Variants in EFCAB6 observed in about 807,000 individuals in gnomAD.
The protein encoded by EFCAB6 is EF-hand calcium binding domain 6, also known as EF-hand calcium-binding domain-containing protein 6.
Under a neutral mutation model 169.8 loss-of-function variants are expected in EFCAB6, and 156 were observed. The ratio of observed to expected loss-of-function variants is 0.92; its 90% CI spans 0.81 to 1.05. EFCAB6 has a LOEUF of 1.05. EFCAB6 is among the 50% of genes least tolerant of loss of function. EFCAB6 has a pLI of 0.00. For synonymous variants in EFCAB6, 698 were observed against 676.4 expected (o/e 1.03, Z -0.50); for missense variants, 1,800 against 1,829.1 (o/e 0.98, Z 0.29).
chr22:43,726,661 A>G (rs2059750472), intron 8 of EFCAB6, among the ~76,000 whole-genome samples: 1 of 152,238 alleles, frequency 6.6e-6, no homozygotes, highest in Non-Finnish European at 1.5e-5. Context: ...CCAGAAGGCA[A>G]GGAAGGAAAA....
chr22:43,619,498 T>G (rs1190383594), intron 20 of EFCAB6, among the ~76,000 whole-genome samples: 1 of 152,144 alleles, frequency 6.6e-6, no homozygotes, highest in Non-Finnish European at 1.5e-5. Context: ...CAAGATTAAC[T>G]AGATGTTGAA....
At chr22:43,596,411 G>A (rs1013641177) in intron 23 of EFCAB6, among the ~76,000 whole-genome samples, 4 of 151,848 alleles carry the variant, frequency 2.6e-5, no homozygotes, top group African/African-American at 4.8e-5. Context: ...TTTAGGATAC[G>A]AAATCAATAC....
intron 26 of EFCAB6, among the ~76,000 whole-genome samples, 177 bp downstream of exon 26, chr22:43,576,120 G>A (rs2050240417): frequency 6.6e-6 from 1 of 152,130 alleles, no homozygotes; most frequent in Non-Finnish European, 1.5e-5. Flanking sequence ...AGTAAAGGAT[G>A]CATATTCACC....
chr22:43,728,515 T>C (rs1375474180), intron 8 of EFCAB6, among the ~76,000 whole-genome samples: 1 of 152,224 alleles, frequency 6.6e-6, no homozygotes, highest in African/African-American at 2.4e-5. Flanking sequence ...TGAACTAACT[T>C]ACACTCCCAC....
chr22:43,580,691 A>C (rs1351804438), intron 24 of EFCAB6, 32 bp from the exon 25 acceptor site: 1 of 1,607,230 alleles, frequency 6.2e-7, no homozygotes, highest in Non-Finnish European at 8.5e-7. Context: ...GAACATATTC[A>C]TTTTAAAAAG....
At chr22:43,586,095 C>T (rs374414165) in intron 24 of EFCAB6, among the ~76,000 whole-genome samples, 4 of 151,946 alleles carry the variant, frequency 2.6e-5, no homozygotes, top group East Asian at 1.9e-4. Context: ...GAATAAATAA[C>T]GGTAAAATAA....
intron 3 of EFCAB6, among the ~76,000 whole-genome samples, chr22:43,775,107 C>T (rs543706130): frequency 3.3e-5 from 5 of 151,920 alleles, no homozygotes; most frequent in East Asian, 2.0e-4. Flanking sequence ...AAAGGTCAAG[C>T]GGGGAGGTCT....
chr22:43,781,035 G>A (rs896420952), intron 3 of EFCAB6, among the ~76,000 whole-genome samples: 2 of 152,130 alleles, frequency 1.3e-5, no homozygotes, highest in Non-Finnish European at 2.9e-5. Context: ...CTTGTCTAGG[G>A]CGGGCCTTCT....
chr22:43,626,844 T>C (rs2054562716), intron 19 of EFCAB6, among the ~76,000 whole-genome samples, 165 bp from the exon 20 acceptor site: 1 of 152,206 alleles, frequency 6.6e-6, no homozygotes, highest in East Asian at 1.9e-4. Flanking sequence ...ATCCTTGCCA[T>C]GCTTTGCTTT....
At chr22:43,769,998 G>A (rs1024020033) in intron 4 of EFCAB6, among the ~76,000 whole-genome samples, 1 of 151,978 alleles carries the variant, frequency 6.6e-6, no homozygotes, top group African/African-American at 2.4e-5. Flanking sequence ...GGGATTACAG[G>A]CATGTGCCAC....
intron 9 of EFCAB6, among the ~76,000 whole-genome samples, chr22:43,714,753 G>GA (rs2059274897): frequency 1.3e-5 from 2 of 152,012 alleles, no homozygotes; most frequent in African/African-American, 2.4e-5. Context: ...TTTCAAATAT[G>GA]AAAAAAACAA....
intron 31 of EFCAB6, 116 bp from the exon 32 acceptor site, chr22:43,529,091 T>C (rs1304426901): frequency 7.3e-6 from 9 of 1,228,138 alleles, no homozygotes; most frequent in South Asian, 1.8e-5. Flanking sequence ...CCACTTCCGA[T>C]GTCAGCCTCC....
chr22:43,739,576 G>A (rs759326344), intron 6 of EFCAB6, among the ~76,000 whole-genome samples: 2 of 152,040 alleles, frequency 1.3e-5, no homozygotes, highest in African/African-American at 4.8e-5. Flanking sequence ...ATATCCAGCT[G>A]CCCATTTGAT....
chr22:43,800,061 A>G, intron 2 of EFCAB6, among the ~76,000 whole-genome samples: 1 of 152,244 alleles, frequency 6.6e-6, no homozygotes, highest in East Asian at 1.9e-4. Context: ...TGGGACTACC[A>G]TCTCCAGCTC....
chr22:43,532,455 A>C (rs1277726866), intron 30 of EFCAB6, among the ~76,000 whole-genome samples: 2 of 152,226 alleles, frequency 1.3e-5, no homozygotes, highest in African/African-American at 2.4e-5. Flanking sequence ...GGAAGGATGG[A>C]ATTGATGGCG....
intron 11 of EFCAB6, among the ~76,000 whole-genome samples, chr22:43,684,599 A>T (rs713913): frequency 3.3e-5 from 5 of 152,176 alleles, no homozygotes; most frequent in Admixed American, 1.3e-4. Flanking sequence ...GAACCATTCT[A>T]AGATTTGTTT....
At chr22:43,789,884 A>ACACACACACACAC (rs2062219547) in intron 2 of EFCAB6, among the ~76,000 whole-genome samples, 5 of 107,870 alleles carry the variant, frequency 4.6e-5, no homozygotes, top group African/African-American at 1.8e-4. Flanking sequence ...CACACACACA[A>ACACACACACACAC]AAGTCTTCCT....
chr22:43,606,503 T>C (rs760718780), intron 22 of EFCAB6, among the ~76,000 whole-genome samples: 76 of 152,204 alleles, frequency 5.0e-4, no homozygotes, highest in Non-Finnish European at 9.6e-4. Flanking sequence ...ATATGACTCC[T>C]TACCCAGGAC....
intron 21 of EFCAB6, among the ~76,000 whole-genome samples, chr22:43,610,287 C>T (rs2053214029): frequency 6.6e-6 from 1 of 152,226 alleles, no homozygotes; most frequent in African/African-American, 2.4e-5. Flanking sequence ...GCAGGATCCA[C>T]AGAGCAGTGT....
Sources: allele counts gnomAD v4.1 joint callset (sites outside exome capture counted in the v4.1 genomes callset), GRCh38; gene constraint gnomAD v4.1.1; transcripts MANE v1.5; gene names NCBI Gene and HGNC (gene_info 2026-07-23, HGNC 2026-07-21).